The following LRFN2 variants were observed in gnomAD, a reference collection of about 807,000 sequenced individuals.
The protein encoded by LRFN2 is leucine-rich repeat and fibronectin type-III domain-containing protein 2.
A neutral mutation model predicts 37.3 loss-of-function variants in LRFN2; 18 were observed. The observed-to-expected ratio is 0.48, with a 90% confidence interval of 0.33 to 0.72. The LOEUF (loss-of-function observed/expected upper bound fraction) is 0.72, where lower values mean the gene tolerates loss of function less well. Ranked by LOEUF, LRFN2 falls within the 30% of genes least tolerant of loss-of-function variation. The pLI is 0.02. For synonymous variants in LRFN2, 556 were observed against 466.6 expected (o/e 1.19, Z -2.47); for missense variants, 1,006 against 1,060.7 (o/e 0.95, Z 0.72).
intron 2 of LRFN2, among the ~76,000 whole-genome samples, chr6:40,431,002 G>GA (rs1259704973): frequency 6.6e-6 from 1 of 152,158 alleles, no homozygotes; most frequent in East Asian, 1.9e-4. Context: ...AAGAAACTGA[G>GA]AATACAGATT....
chr6:40,395,768 A>G (rs185034464), intron 2 of LRFN2, among the ~76,000 whole-genome samples: 1 of 152,366 alleles, frequency 6.6e-6, no homozygotes, highest in East Asian at 1.9e-4. Flanking sequence ...CAGAAGTGTT[A>G]TGCAAAGATA....
intron 1 of LRFN2, among the ~76,000 whole-genome samples, chr6:40,567,403 C>T (rs1347743207): frequency 1.3e-5 from 2 of 152,180 alleles, no homozygotes; most frequent in Non-Finnish European, 2.9e-5. Flanking sequence ...CTGATGCTGC[C>T]TTGGCTAAAA....
chr6:40,518,589 G>A (rs936206052), intron 1 of LRFN2, among the ~76,000 whole-genome samples: 39 of 152,142 alleles, frequency 2.6e-4, no homozygotes, highest in African/African-American at 8.7e-4. Context: ...TAAGCACCTA[G>A]TAATGCCCCA....
At chr6:40,560,998 A>G (rs1209651772) in intron 1 of LRFN2, among the ~76,000 whole-genome samples, 2 of 152,132 alleles carry the variant, frequency 1.3e-5, no homozygotes, top group African/African-American at 4.8e-5. Flanking sequence ...CATCTGTGCT[A>G]AGAGATGTTC....
chr6:40,559,778 T>C (rs560944409), intron 1 of LRFN2, among the ~76,000 whole-genome samples: 55 of 152,210 alleles, frequency 3.6e-4, no homozygotes, highest in Non-Finnish European at 6.3e-4. Flanking sequence ...CTGAAGGGCA[T>C]TTCATCCGCC....
intron 1 of LRFN2, among the ~76,000 whole-genome samples, chr6:40,581,182 T>C (rs755908772): frequency 3.3e-5 from 5 of 152,176 alleles, no homozygotes; most frequent in Non-Finnish European, 5.9e-5. Flanking sequence ...AGGTCAGTGC[T>C]GTCTGGCAGA....
intron 1 of LRFN2, among the ~76,000 whole-genome samples, chr6:40,477,438 A>AAAACCC (rs1304705352): frequency 3.3e-5 from 5 of 152,206 alleles, no homozygotes; most frequent in Admixed American, 1.3e-4. Flanking sequence ...TGAGAAAACC[A>AAAACCC]AAACCCAGAG....
intron 1 of LRFN2, among the ~76,000 whole-genome samples, chr6:40,570,541 C>G (rs1767168474): frequency 6.6e-6 from 1 of 152,128 alleles, no homozygotes; most frequent in Non-Finnish European, 1.5e-5. Flanking sequence ...CTGTCCCTTC[C>G]CCATTCCTGC....
At chr6:40,565,886 G>C (rs1189606006) in intron 1 of LRFN2, among the ~76,000 whole-genome samples, 1 of 151,778 alleles carries the variant, frequency 6.6e-6, no homozygotes, top group Non-Finnish European at 1.5e-5. Context: ...TTGACAAATG[G>C]GATCTAATTA....
intron 1 of LRFN2, among the ~76,000 whole-genome samples, chr6:40,576,739 A>G (rs184653983): frequency 7.2e-5 from 11 of 152,274 alleles, no homozygotes; most frequent in African/African-American, 2.6e-4. Context: ...AGAGAGAGAC[A>G]CTGAGCTGGG....
chr6:40,466,790 T>TA (rs1269391558), intron 1 of LRFN2, among the ~76,000 whole-genome samples: 2 of 152,178 alleles, frequency 1.3e-5, no homozygotes, highest in East Asian at 3.9e-4. Context: ...AATTCATAAG[T>TA]ATGTTGAAAT....
intron 1 of LRFN2, among the ~76,000 whole-genome samples, chr6:40,497,301 C>G (rs1379755976): frequency 6.6e-6 from 1 of 152,174 alleles, no homozygotes; most frequent in Non-Finnish European, 1.5e-5. Context: ...TAGCATCTCT[C>G]TCTTCCAGCA....
chr6:40,415,035 C>T (rs905456221), intron 2 of LRFN2, among the ~76,000 whole-genome samples: 1 of 152,148 alleles, frequency 6.6e-6, no homozygotes, highest in Non-Finnish European at 1.5e-5. Context: ...CAGTGTACTG[C>T]CCACTGCCAG....
intron 2 of LRFN2, among the ~76,000 whole-genome samples, chr6:40,393,391 A>C (rs1364689613): frequency 6.6e-6 from 1 of 151,956 alleles, no homozygotes. Flanking sequence ...TGGAAACAAA[A>C]ACACAAAAAC....
intron 2 of LRFN2, among the ~76,000 whole-genome samples, chr6:40,404,074 C>T (rs545380061): frequency 6.6e-6 from 1 of 152,274 alleles, no homozygotes; most frequent in African/African-American, 2.4e-5. Context: ...GTCCCTGTTC[C>T]AATATCACGT....
chr6:40,554,373 C>A (rs999998545), intron 1 of LRFN2, among the ~76,000 whole-genome samples: 2 of 152,096 alleles, frequency 1.3e-5, no homozygotes, highest in Non-Finnish European at 2.9e-5. Flanking sequence ...TGGTTCCACT[C>A]AGGAGAGAGC....
chr6:40,424,200 A>G (rs55683048), intron 2 of LRFN2, among the ~76,000 whole-genome samples: 17,226 of 152,144 alleles, frequency 0.11, 1,061 homozygotes, highest in Non-Finnish European at 0.13. Flanking sequence ...CAAGCTTCTC[A>G]CTGGCACCCC....
At chr6:40,492,959 T>C (rs1765127536) in intron 1 of LRFN2, among the ~76,000 whole-genome samples, 1 of 151,842 alleles carries the variant, frequency 6.6e-6, no homozygotes, top group Admixed American at 6.5e-5. Flanking sequence ...TGCTGGGTAG[T>C]GCTAAGTGCT....
At chr6:40,433,444 T>C (rs1339727290) in intron 1 of LRFN2, among the ~76,000 whole-genome samples, 2 of 152,226 alleles carry the variant, frequency 1.3e-5, no homozygotes, top group African/African-American at 4.8e-5. Context: ...AATTGCTGTA[T>C]CCCAATTACC....
Sources: gnomAD v4.1 joint callset for allele counts (sites outside exome capture counted in the v4.1 genomes callset) on GRCh38, gnomAD v4.1.1 for gene constraint, MANE v1.5 for transcripts, NCBI Gene and HGNC (gene_info 2026-07-23, HGNC 2026-07-21) for gene names.